The following PCDHA3 variants were observed in gnomAD, a reference collection of about 807,000 sequenced individuals.
PCDHA3 encodes protocadherin alpha 3, also known as protocadherin alpha-3.
PCDHA3 carries 41 observed loss-of-function variants against 62.2 expected under a neutral mutation model. The observed-to-expected ratio is 0.66, with a 90% confidence interval of 0.51 to 0.86. The LOEUF is 0.86. Ranked by LOEUF, PCDHA3 falls within the 40% of genes least tolerant of loss-of-function variation. The pLI, the probability that PCDHA3 is intolerant of heterozygous loss-of-function variation, is 0.00. For synonymous variants in PCDHA3, 640 were observed against 555.4 expected (o/e 1.15, Z -2.14); for missense variants, 1,304 against 1,241.2 (o/e 1.05, Z -0.76).
At chr5:140,967,362 C>A (rs1385889243) in intron 1 of PCDHA3, 2 of 1,607,452 alleles carry the variant, frequency 1.2e-6, no homozygotes, top group East Asian at 2.2e-5. Flanking sequence ...GACCTTAAGC[C>A]CCTGCAGGAG....
intron 3 of PCDHA3, among the ~76,000 whole-genome samples, chr5:140,987,524 GT>G (rs1341881093): frequency 6.6e-6 from 1 of 152,144 alleles, no homozygotes; most frequent in Non-Finnish European, 1.5e-5. Flanking sequence ...GTAATTGTAT[GT>G]TCCTGGGACC....
intron 1 of PCDHA3, among the ~76,000 whole-genome samples, chr5:140,902,026 A>G (rs1554190175): frequency 6.6e-6 from 1 of 152,114 alleles, no homozygotes; most frequent in Non-Finnish European, 1.5e-5. Flanking sequence ...TAGAAATACT[A>G]CTAATTTTTG....
chr5:140,814,784 CG>C (rs1765588725), intron 1 of PCDHA3: 1 of 152,144 alleles, frequency 6.6e-6, no homozygotes, highest in African/African-American at 2.4e-5. Context: ...TTGGTTGAAA[CG>C]TTGTTATACA....
chr5:140,845,841 A>C (rs1160077154), intron 1 of PCDHA3, among the ~76,000 whole-genome samples: 1 of 149,848 alleles, frequency 6.7e-6, no homozygotes, highest in African/African-American at 2.4e-5. Flanking sequence ...CATTCTTAAG[A>C]GAAAAGAAGT....
chr5:140,823,870 C>T, intron 1 of PCDHA3: 5 of 1,613,918 alleles, frequency 3.1e-6, no homozygotes, highest in Non-Finnish European at 3.4e-6. Flanking sequence ...CAACGTGTAC[C>T]TGATCATCGC....
intron 1 of PCDHA3, among the ~76,000 whole-genome samples, chr5:140,920,661 T>C (rs1301918138): frequency 3.9e-5 from 6 of 152,042 alleles, no homozygotes; most frequent in African/African-American, 1.4e-4. Flanking sequence ...CTTGCCAACA[T>C]GGTGAAACCC....
intron 1 of PCDHA3, among the ~76,000 whole-genome samples, chr5:140,953,819 G>A (rs782420849): frequency 1.3e-5 from 2 of 151,904 alleles, no homozygotes; most frequent in Non-Finnish European, 1.5e-5. Context: ...GCATGTGCTA[G>A]TTGTGCAGGT....
intron 1 of PCDHA3, chr5:140,871,192 G>C (rs1582019516): frequency 6.2e-7 from 1 of 1,613,550 alleles, no homozygotes; most frequent in Non-Finnish European, 8.5e-7. Context: ...GGATGTCAAC[G>C]TGTACCTGAT....
In PCDHA3 at chr5:140,994,514, G is replaced by A. The variant is rs186617066; in HGVS notation, c.2542+11951G>A. On this transcript the variant is annotated intron_variant, in intron 3 of 3. Transcript: ENST00000522353. Reference sequence around the variant, plus strand: ...ACCCAGGAGTTTGAGAACAGCCTGGGCAACATGGCAAAACCCCATCTCTAC... The same window carrying A: ...ACCCAGGAGTTTGAGAACAGCCTGGACAACATGGCAAAACCCCATCTCTAC... Among the ~76,000 whole-genome samples, 76 of 150,406 alleles carry A rather than the reference G, an allele frequency of 5.1e-4. 1 individual carries two copies. The highest frequency in any genetic ancestry group is 8.8e-5 in the Non-Finnish European group (6 of 67,822).
intron 1 of PCDHA3, chr5:140,883,883 G>A (rs1554180418): frequency 1.2e-6 from 2 of 1,613,320 alleles, no homozygotes; most frequent in South Asian, 1.1e-5. Flanking sequence ...GAGCGCGCGC[G>A]ACTCTGGCGT....
At chr5:140,851,173 A>G in intron 1 of PCDHA3, 1 of 1,267,370 alleles carries the variant, frequency 7.9e-7, no homozygotes, top group South Asian at 2.8e-5. Context: ...CTGCCATAAC[A>G]CTTGAAAACC....
At chr5:140,828,399 G>A in intron 1 of PCDHA3, 1 of 1,614,300 alleles carries the variant, frequency 6.2e-7, no homozygotes, top group Non-Finnish European at 8.5e-7. Flanking sequence ...GCGGAGTGCA[G>A]CATCCACCTG....
intron 1 of PCDHA3, chr5:140,849,169 C>A: frequency 1.8e-6 from 2 of 1,130,206 alleles, no homozygotes; most frequent in Non-Finnish European, 2.5e-6. Context: ...CTGACTGGCA[C>A]CGTTCAATTA....
intron 1 of PCDHA3, among the ~76,000 whole-genome samples, chr5:140,938,013 A>G (rs1310661606): frequency 6.6e-6 from 1 of 152,220 alleles, no homozygotes; most frequent in Non-Finnish European, 1.5e-5. Flanking sequence ...TTCTTGCTAA[A>G]TAGTAAAATC....
chr5:140,843,196 G>A (rs2150355144), intron 1 of PCDHA3: 4 of 1,595,956 alleles, frequency 2.5e-6, no homozygotes, highest in Non-Finnish European at 3.4e-6. Flanking sequence ...TCCGCGTGGG[G>A]CTGTACACGG....
intron 1 of PCDHA3, among the ~76,000 whole-genome samples, chr5:140,949,294 T>C (rs1554218899): frequency 1.3e-5 from 2 of 151,840 alleles, no homozygotes; most frequent in African/African-American, 4.8e-5. Flanking sequence ...TATTCTGTAA[T>C]TGTTGGGTGT....
At chr5:140,813,927 G>T (rs182316229) in intron 1 of PCDHA3, 1 of 152,448 alleles carries the variant, frequency 6.6e-6, no homozygotes, top group East Asian at 1.9e-4. Context: ...GACTTGAGGA[G>T]GTCAAGGCTA....
At chr5:140,847,009 T>G (rs1780816378) in intron 1 of PCDHA3, among the ~76,000 whole-genome samples, 1 of 149,542 alleles carries the variant, frequency 6.7e-6, no homozygotes, top group Non-Finnish European at 1.5e-5. Flanking sequence ...TTGAGAATGA[T>G]AGACATTTCT....
intron 3 of PCDHA3, among the ~76,000 whole-genome samples, chr5:140,997,376 C>T (rs1554255857): frequency 2.6e-5 from 4 of 152,144 alleles, no homozygotes. Flanking sequence ...GATGATATAG[C>T]ATACTACACA....
Sources: allele counts gnomAD v4.1 joint callset (sites outside exome capture counted in the v4.1 genomes callset), GRCh38; gene constraint gnomAD v4.1.1; transcripts MANE v1.5; gene names NCBI Gene and HGNC (gene_info 2026-07-23, HGNC 2026-07-21).